Variants in RABGAP1L observed in about 807,000 individuals in gnomAD.
RABGAP1L encodes the protein RAB GTPase activating protein 1 like, also known as rab GTPase-activating protein 1-like.
In RABGAP1L, 63 loss-of-function variants were observed where a neutral mutation model predicts 137.7. That is an observed-to-expected ratio of 0.46 (90% CI 0.37 to 0.56). The LOEUF (loss-of-function observed/expected upper bound fraction) is 0.56. Among genes scored for constraint, RABGAP1L ranks in the 20% least tolerant of loss-of-function variants. RABGAP1L has a pLI of 0.00. For missense variants in RABGAP1L, 1,095 were observed against 1,244.0 expected (o/e 0.88, Z 1.80); for synonymous variants, 431 against 433.7 (o/e 0.99, Z 0.08).
intron 19 of RABGAP1L, among the ~76,000 whole-genome samples, chr1:174,933,084 A>G (rs547384653): frequency 7.9e-5 from 12 of 152,232 alleles, no homozygotes; most frequent in African/African-American, 2.6e-4. Context: ...ACACACTTAC[A>G]TACATACATG....
chr1:174,620,734 C>G (rs1377963321), intron 13 of RABGAP1L, among the ~76,000 whole-genome samples: 1 of 151,938 alleles, frequency 6.6e-6, no homozygotes, highest in Non-Finnish European at 1.5e-5. Context: ...ACTAGAGAAG[C>G]AAGATGAAAC....
At chr1:174,708,687 G>A (rs1404223828) in intron 17 of RABGAP1L, among the ~76,000 whole-genome samples, 1 of 152,164 alleles carries the variant, frequency 6.6e-6, no homozygotes, top group Non-Finnish European at 1.5e-5. Context: ...CACCACCAGG[G>A]CCCTGAGTTT....
intron 15 of RABGAP1L, 134 bp downstream of exon 15, chr1:174,683,730 G>A (rs897323686): frequency 1.2e-5 from 7 of 585,804 alleles, no homozygotes; most frequent in Admixed American, 1.0e-4. Flanking sequence ...TAAAATGTAC[G>A]TTAGGTGATA....
intron 11 of RABGAP1L, among the ~76,000 whole-genome samples, chr1:174,349,365 C>T (rs1402213064): frequency 1.0e-4 from 14 of 135,622 alleles, no homozygotes; most frequent in Non-Finnish European, 2.1e-4. Flanking sequence ...GGGCTGACCC[C>T]CCCCACCTCC....
intron 12 of RABGAP1L, among the ~76,000 whole-genome samples, chr1:174,389,427 C>T (rs1327709068): frequency 6.6e-6 from 1 of 152,010 alleles, no homozygotes; most frequent in Non-Finnish European, 1.5e-5. Context: ...TGACTTTTAT[C>T]CCCCTCATCT....
intron 13 of RABGAP1L, among the ~76,000 whole-genome samples, chr1:174,465,045 C>G (rs546748226): frequency 1.3e-5 from 2 of 152,054 alleles, no homozygotes; most frequent in Non-Finnish European, 2.9e-5. Flanking sequence ...ACCATTTGAT[C>G]CCATGTCATA....
intron 11 of RABGAP1L, among the ~76,000 whole-genome samples, chr1:174,336,696 A>T (rs1490020895): frequency 1.3e-5 from 2 of 152,172 alleles, no homozygotes; most frequent in African/African-American, 2.4e-5. Flanking sequence ...CAAGAGTTTA[A>T]ATTGCCTACC....
At chr1:174,930,200 C>T (rs1182987904) in intron 19 of RABGAP1L, among the ~76,000 whole-genome samples, 2 of 151,804 alleles carry the variant, frequency 1.3e-5, no homozygotes, top group African/African-American at 4.8e-5. Flanking sequence ...TATGTATTTA[C>T]TTATGAGATG....
intron 13 of RABGAP1L, among the ~76,000 whole-genome samples, chr1:174,504,059 G>A (rs139499105): frequency 0.013 from 1,920 of 150,436 alleles, 43 homozygotes; most frequent in African/African-American, 0.043. Context: ...CACAAACGCC[G>A]CCTTCAGAGC....
chr1:174,903,572 A>C (rs182320508), intron 19 of RABGAP1L, among the ~76,000 whole-genome samples: 1 of 152,352 alleles, frequency 6.6e-6, no homozygotes, highest in East Asian at 1.9e-4. Flanking sequence ...TTGGAATTAT[A>C]ATATAAAGCA....
chr1:174,653,392 G>A (rs1409012908), intron 14 of RABGAP1L, among the ~76,000 whole-genome samples: 1 of 152,170 alleles, frequency 6.6e-6, no homozygotes, highest in East Asian at 1.9e-4. Flanking sequence ...ACCCAGTTTT[G>A]TGCTTGAAAC....
At chr1:174,512,061 C>T (rs1054900206) in intron 13 of RABGAP1L, among the ~76,000 whole-genome samples, 9 of 151,842 alleles carry the variant, frequency 5.9e-5, no homozygotes, top group African/African-American at 2.2e-4. Context: ...TAGTTTGATC[C>T]ACATAATGTA....
chr1:174,512,519 T>TTA (rs1200402497), intron 13 of RABGAP1L, among the ~76,000 whole-genome samples: 1 of 152,184 alleles, frequency 6.6e-6, no homozygotes, highest in African/African-American at 2.4e-5. Flanking sequence ...AATTTACATG[T>TTA]TATACTTTAG....
intron 13 of RABGAP1L, among the ~76,000 whole-genome samples, chr1:174,546,062 A>T (rs1164696256): frequency 6.6e-6 from 1 of 152,198 alleles, no homozygotes; most frequent in Non-Finnish European, 1.5e-5. Context: ...TTTAAAGAAA[A>T]TAAGGCTTTT....
chr1:174,974,837 C>G (rs75539334), intron 21 of RABGAP1L, among the ~76,000 whole-genome samples: 2 of 152,310 alleles, frequency 1.3e-5, no homozygotes, highest in Admixed American at 1.3e-4. Flanking sequence ...AGAAAACAGA[C>G]AGAAGGCCGC....
At chr1:174,453,353 A>G (rs1183771460) in intron 13 of RABGAP1L, among the ~76,000 whole-genome samples, 4 of 152,232 alleles carry the variant, frequency 2.6e-5, no homozygotes, top group Non-Finnish European at 4.4e-5. Context: ...GATTTGCTCC[A>G]TAGATAACAT....
At position 174,522,394 on chromosome 1, in the gene RABGAP1L, T is replaced by C. The variant is rs530377007; in HGVS notation, c.1711-114981T>C. Among the ~76,000 whole-genome samples, 6 of 152,206 alleles carry C rather than the reference T, an allele frequency of 3.9e-5. No homozygotes were observed. In the East Asian group the frequency reaches 1.2e-3, roughly 29 times the overall value. On this transcript the variant is annotated intron_variant, in intron 13 of 25. Coordinates refer to ENST00000681986, the MANE Select transcript of RABGAP1L (RefSeq NM_001366446.1). ...GTGTTCGAGACTAGCCTAGGCTATA[T>C]GGCGAAACCCCATCTCTACAAAAAC...
chr1:174,937,907 TTCA>T (rs933485703), intron 19 of RABGAP1L, among the ~76,000 whole-genome samples: 1 of 150,352 alleles, frequency 6.7e-6, no homozygotes, highest in Non-Finnish European at 1.5e-5. Context: ...GAGATGGGGT[TTCA>T]TCATGTTGGT....
At chr1:174,925,812 C>T (rs1313882787) in intron 19 of RABGAP1L, among the ~76,000 whole-genome samples, 1 of 141,436 alleles carries the variant, frequency 7.1e-6, no homozygotes, top group African/African-American at 2.6e-5. Context: ...AGATAGAGAA[C>T]CTGATTTTTC....
Sources: allele counts gnomAD v4.1 joint callset (sites outside exome capture counted in the v4.1 genomes callset), GRCh38; gene constraint gnomAD v4.1.1; transcripts MANE v1.5; gene names NCBI Gene and HGNC (gene_info 2026-07-23, HGNC 2026-07-21).